Variants in NELL1 observed in about 807,000 individuals in gnomAD.
NELL1 encodes protein kinase C-binding protein NELL1.
NELL1 carries 76 observed loss-of-function variants against 107.4 expected under a neutral mutation model. The ratio of observed to expected loss-of-function variants is 0.71; its 90% confidence interval spans 0.59 to 0.86. The LOEUF is 0.86. Among genes scored for constraint, NELL1 ranks in the 40% least tolerant of loss-of-function variants. The pLI, the probability that NELL1 is intolerant of heterozygous loss-of-function variation, is 0.00. For synonymous variants in NELL1, 353 were observed against 341.2 expected (o/e 1.03, Z -0.38); for missense variants, 1,024 against 1,005.5 (o/e 1.02, Z -0.25).
intron 12 of NELL1, among the ~76,000 whole-genome samples, chr11:20,993,790 A>C (rs10766759): frequency 0.39 from 58,404 of 151,488 alleles, 11,879 homozygotes; most frequent in East Asian, 0.6. Context: ...CACAAACATC[A>C]ATTTTTTTCC....
chr11:21,563,007 C>T (rs1462062113), intron 17 of NELL1, among the ~76,000 whole-genome samples: 1 of 152,010 alleles, frequency 6.6e-6, no homozygotes, highest in Non-Finnish European at 1.5e-5. Flanking sequence ...ATTCTATGTA[C>T]TTCCTTGGCA....
intron 4 of NELL1, among the ~76,000 whole-genome samples, chr11:20,862,982 G>GAA (rs1356956547): frequency 1.3e-5 from 2 of 152,134 alleles, no homozygotes; most frequent in Non-Finnish European, 2.9e-5. Context: ...AGAACAAAAT[G>GAA]AAGTCTCCCA....
rs1854509352 is a variant in NELL1, at chr11:21,482,131, A to G, written c.1646-52243A>G. Among the ~76,000 whole-genome samples, 7 of 152,238 alleles carry G rather than the reference A, an allele frequency of 4.6e-5. No homozygotes were observed. In the South Asian group the frequency reaches 6.2e-4, roughly 14 times the overall value. ...ACTAGTTTATAGAATTGACAGAAAG[A>G]TTAAAAATTAAGCTGTAGCAGAAAC... On this transcript the variant is annotated intron_variant, in intron 15 of 19. Coordinates refer to ENST00000357134, the MANE Select transcript of NELL1 (RefSeq NM_006157.5).
At chr11:20,942,889 T>A (rs1850884243) in intron 10 of NELL1, among the ~76,000 whole-genome samples, 1 of 152,114 alleles carries the variant, frequency 6.6e-6, no homozygotes, top group Non-Finnish European at 1.5e-5. Context: ...CTAGCAAGGG[T>A]CACTATTATG....
At chr11:20,730,938 A>G (rs764209747) in intron 2 of NELL1, among the ~76,000 whole-genome samples, 1 of 152,210 alleles carries the variant, frequency 6.6e-6, no homozygotes, top group Non-Finnish European at 1.5e-5. Context: ...TATGTCTTGA[A>G]TAATTTTGAC....
intron 5 of NELL1, among the ~76,000 whole-genome samples, chr11:20,894,029 G>C: frequency 6.6e-6 from 1 of 152,080 alleles, no homozygotes; most frequent in East Asian, 1.9e-4. Flanking sequence ...AGAATAGCAG[G>C]CATGGATGGC....
At chr11:20,876,424 T>C (rs1224654095) in intron 4 of NELL1, among the ~76,000 whole-genome samples, 1 of 152,184 alleles carries the variant, frequency 6.6e-6, no homozygotes, top group Non-Finnish European at 1.5e-5. Context: ...GTGTGTTCCA[T>C]GTGAGCAGTT....
At chr11:21,305,653 TC>T (rs778922439) in intron 14 of NELL1, among the ~76,000 whole-genome samples, 1 of 151,808 alleles carries the variant, frequency 6.6e-6, no homozygotes, top group Non-Finnish European at 1.5e-5. Context: ...CAGTATAGAT[TC>T]TATATATATG....
At chr11:20,750,753 A>G (rs1371637891) in intron 2 of NELL1, among the ~76,000 whole-genome samples, 1 of 151,880 alleles carries the variant, frequency 6.6e-6, no homozygotes, top group East Asian at 1.9e-4. Flanking sequence ...CACCTGGCTA[A>G]TTTTTTGTAT....
chr11:21,484,161 T>C (rs1167453777), intron 15 of NELL1, among the ~76,000 whole-genome samples: 6 of 150,716 alleles, frequency 4.0e-5, no homozygotes, highest in Non-Finnish European at 7.4e-5. Flanking sequence ...ATTTCCAAAC[T>C]TTCCATAGTT....
At chr11:21,179,481 C>T (rs994487055) in intron 13 of NELL1, among the ~76,000 whole-genome samples, 1 of 151,868 alleles carries the variant, frequency 6.6e-6, no homozygotes, top group Non-Finnish European at 1.5e-5. Flanking sequence ...AGTGTATTCT[C>T]ATCCAACTTG....
intron 13 of NELL1, among the ~76,000 whole-genome samples, chr11:21,161,486 G>T (rs763294627): frequency 1.3e-5 from 2 of 152,092 alleles, no homozygotes; most frequent in African/African-American, 2.4e-5. Flanking sequence ...TCAGTGAGCC[G>T]AGATCATGCC....
At chr11:21,011,650 G>A (rs7124680) in intron 12 of NELL1, among the ~76,000 whole-genome samples, 9,323 of 152,156 alleles carry the variant, frequency 0.061, 854 homozygotes, top group African/African-American at 0.2. Context: ...CTCTGCAGTT[G>A]GGCAGCAAGT....
At chr11:20,999,917 C>G (rs549670349) in intron 12 of NELL1, among the ~76,000 whole-genome samples, 2 of 151,996 alleles carry the variant, frequency 1.3e-5, no homozygotes, top group African/African-American at 2.4e-5. Context: ...TAAAGGACAT[C>G]GATACTCCAG....
At chr11:21,060,514 A>G (rs1037918410) in intron 12 of NELL1, among the ~76,000 whole-genome samples, 2 of 152,170 alleles carry the variant, frequency 1.3e-5, no homozygotes, top group Admixed American at 1.3e-4. Flanking sequence ...AGTTCTCATT[A>G]TACTTGCTGA....
intron 12 of NELL1, among the ~76,000 whole-genome samples, chr11:21,075,150 C>T (rs542923929): frequency 1.2e-3 from 190 of 152,138 alleles, no homozygotes; most frequent in African/African-American, 4.3e-3. Flanking sequence ...TTATGAAATT[C>T]AACATAGCCA....
At chr11:21,113,926 T>C (rs752567770) in intron 13 of NELL1, among the ~76,000 whole-genome samples, 3 of 152,038 alleles carry the variant, frequency 2.0e-5, no homozygotes, top group Non-Finnish European at 4.4e-5. Context: ...CCTCTGTGTG[T>C]GTGCTTGCAT....
chr11:21,410,901 A>G (rs1852359769), intron 15 of NELL1, among the ~76,000 whole-genome samples: 1 of 152,072 alleles, frequency 6.6e-6, no homozygotes, highest in African/African-American at 2.4e-5. Context: ...AATTAGCTTA[A>G]TATAAACTCA....
At chr11:21,294,671 G>A (rs1849337981) in intron 14 of NELL1, among the ~76,000 whole-genome samples, 1 of 152,006 alleles carries the variant, frequency 6.6e-6, no homozygotes, top group Admixed American at 6.6e-5. Flanking sequence ...GAGGGACAAA[G>A]GTGTTAAGAA....
Sources: gnomAD v4.1 joint callset for allele counts (sites outside exome capture counted in the v4.1 genomes callset) on GRCh38, gnomAD v4.1.1 for gene constraint, MANE v1.5 for transcripts, NCBI Gene and HGNC (gene_info 2026-07-23, HGNC 2026-07-21) for gene names.